The following TMCO4 variants were observed in gnomAD, a reference collection of about 807,000 sequenced individuals.
TMCO4 encodes the protein transmembrane and coiled-coil domain-containing protein 4.
TMCO4 carries 58 observed loss-of-function variants against 64.7 expected under a neutral mutation model. The ratio of observed to expected loss-of-function variants is 0.90; its 90% confidence interval spans 0.73 to 1.12. The LOEUF is 1.12. Among genes scored for constraint, TMCO4 ranks in the 50% most tolerant of loss-of-function variants. TMCO4 has a pLI of 0.00. For missense variants in TMCO4, 780 were observed against 825.9 expected (o/e 0.94, Z 0.68); for synonymous variants, 325 against 346.1 (o/e 0.94, Z 0.68).
intron 6 of TMCO4, among the ~76,000 whole-genome samples, chr1:19,757,167 G>C (rs1255508075): frequency 1.3e-5 from 2 of 150,394 alleles, no homozygotes; most frequent in Non-Finnish European, 3.0e-5. Flanking sequence ...GGCGGGGGGG[G>C]GCGCCTGTAA....
At chr1:19,766,300 C>G (rs779195904) in intron 6 of TMCO4, among the ~76,000 whole-genome samples, 1 of 152,206 alleles carries the variant, frequency 6.6e-6, no homozygotes, top group African/African-American at 2.4e-5. Flanking sequence ...GGACAACTGG[C>G]CCATCCACGA....
intron 13 of TMCO4, among the ~76,000 whole-genome samples, chr1:19,709,349 C>G (rs955989371): frequency 6.8e-6 from 1 of 147,006 alleles, no homozygotes; most frequent in African/African-American, 2.5e-5. Context: ...TCCCCTCCCC[C>G]CACCCCAGGG....
At chr1:19,760,844 G>A (rs750506944) in intron 6 of TMCO4, among the ~76,000 whole-genome samples, 56 of 152,262 alleles carry the variant, frequency 3.7e-4, no homozygotes, top group Non-Finnish European at 5.9e-4. Context: ...TACGTAAGAG[G>A]AATGGAATAT....
intron 13 of TMCO4, among the ~76,000 whole-genome samples, chr1:19,722,553 T>C (rs1409387720): frequency 6.6e-6 from 1 of 152,204 alleles, no homozygotes; most frequent in African/African-American, 2.4e-5. Flanking sequence ...CCCATGATCT[T>C]AACCTCATGG....
intron 13 of TMCO4, among the ~76,000 whole-genome samples, chr1:19,704,624 T>G (rs1256170986): frequency 2.0e-5 from 3 of 152,238 alleles, no homozygotes; most frequent in Non-Finnish European, 1.5e-5. Context: ...GGCCGGCCAT[T>G]CAGGGCGCCT....
At chr1:19,690,866 CTTTTTTTTT>C (rs34764589) in intron 15 of TMCO4, among the ~76,000 whole-genome samples, 2 of 111,286 alleles carry the variant, frequency 1.8e-5, no homozygotes, top group Non-Finnish European at 3.6e-5. Flanking sequence ...TGTGAAGACT[CTTTTTTTTT>C]TTTTTTTTTT....
chr1:19,771,647 G>A (rs2042987699), intron 4 of TMCO4, among the ~76,000 whole-genome samples, 165 bp from the exon 5 acceptor site: 1 of 152,092 alleles, frequency 6.6e-6, no homozygotes, highest in Non-Finnish European at 1.5e-5. Flanking sequence ...CTTGGGTGAT[G>A]TAAATTTTGT....
intron 8 of TMCO4, 25 bp from the exon 9 acceptor site, chr1:19,746,624 G>A (rs1211759980): frequency 1.9e-6 from 3 of 1,590,568 alleles, no homozygotes; most frequent in Non-Finnish European, 2.6e-6. Flanking sequence ...GCAGTTTCAG[G>A]TGGGAGTAAA....
chr1:19,739,871 C>G lies in TMCO4; in HGVS notation c.1132G>C (p.Ala378Pro). 6.2e-7 allele frequency: 1 copy of G among 1,613,980 alleles called. No individual in the cohort carries two copies. Reference sequence around the variant, plus strand: ...TGGGCCAGGTGCTTGCCAACCTCTGCTGATCGATGGAGACACACCCCCCAG... The same window carrying G: ...TGGGCCAGGTGCTTGCCAACCTCTGGTGATCGATGGAGACACACCCCCCAG... ...NPWGVCLHRS[A>P]EVGKHLAHIL... Residue 378 changes from alanine (A) to proline (P), a missense_variant, in exon 12 of 16, where the codon GCA becomes CCA. Physicochemically the swap from Ala to Pro is conservative, Grantham distance 27 (BLOSUM62 -1). Transcript: ENST00000294543.
intron 13 of TMCO4, among the ~76,000 whole-genome samples, chr1:19,723,330 G>T (rs1004054210): frequency 2.6e-5 from 4 of 152,150 alleles, no homozygotes; most frequent in African/African-American, 9.7e-5. Flanking sequence ...TCATATGGGG[G>T]ATAGTCTCTT....
At position 19,708,081 on chromosome 1, in the gene TMCO4, T is replaced by C. The variant is rs79307716; in HGVS notation, c.1265-7196A>G. On this transcript the variant is annotated intron_variant, in intron 13 of 15. Coordinates refer to ENST00000294543, the MANE Select transcript of TMCO4 (RefSeq NM_181719.7). Reference sequence around the variant, plus strand: ...GGTGGGGACACAGAGCCAAACCATATCACTTGTATAAGGGTAAACAATTCT... The same window carrying C: ...GGTGGGGACACAGAGCCAAACCATACCACTTGTATAAGGGTAAACAATTCT... Among the ~76,000 whole-genome samples, 13 of 152,210 alleles carry C rather than the reference T, an allele frequency of 8.5e-5. No individual in the cohort carries two copies. In the East Asian group the frequency reaches 2.3e-3, roughly 27 times the overall value.
chr1:19,780,059 C>T (rs1489724668), intron 4 of TMCO4, among the ~76,000 whole-genome samples: 5 of 152,100 alleles, frequency 3.3e-5, no homozygotes, highest in East Asian at 1.9e-4. Flanking sequence ...TCCAGGGACC[C>T]GGCGCAGGTA....
At chr1:19,780,535 C>T (rs773268892) in intron 4 of TMCO4, 45 bp downstream of exon 4, 2 of 1,541,438 alleles carry the variant, frequency 1.3e-6, no homozygotes, top group African/African-American at 1.4e-5. Context: ...GTAGTTGTTC[C>T]CCTGAAGAAG....
chr1:19,763,162 G>A (rs748862835), intron 6 of TMCO4, among the ~76,000 whole-genome samples: 1 of 151,546 alleles, frequency 6.6e-6, no homozygotes, highest in Non-Finnish European at 1.5e-5. Context: ...TGTAATCTCC[G>A]TCTCCAGGGT....
intron 4 of TMCO4, among the ~76,000 whole-genome samples, chr1:19,773,630 A>T (rs1010193466): frequency 6.6e-6 from 1 of 152,160 alleles, no homozygotes; most frequent in Non-Finnish European, 1.5e-5. Flanking sequence ...TTGAAGAGGA[A>T]TCTTAGCAGA....
At chr1:19,737,896 C>T (rs2095462928) in intron 12 of TMCO4, among the ~76,000 whole-genome samples, 1 of 152,170 alleles carries the variant, frequency 6.6e-6, no homozygotes, top group South Asian at 2.1e-4. Flanking sequence ...GGTAAAAAGG[C>T]AAGAGTGACA....
At chr1:19,746,410 C>G (rs770116285) in intron 9 of TMCO4, 46 bp downstream of exon 9, 1 of 1,608,838 alleles carries the variant, frequency 6.2e-7, no homozygotes, top group East Asian at 2.2e-5. Context: ...ACTGGGCCAC[C>G]CTGGCTGAAA....
At chr1:19,692,592 AAAG>A (rs1159037336) in intron 15 of TMCO4, among the ~76,000 whole-genome samples, 2 of 150,050 alleles carry the variant, frequency 1.3e-5, no homozygotes, top group African/African-American at 5.0e-5. Flanking sequence ...AAAAAAAAAA[AAAG>A]AATTAGATGG....
rs1018728646 is a variant in TMCO4 at position 19,734,645 on chromosome 1, C to A, written c.1264+2727G>T. ...GGGCTGCAGAGACACCAGATGCCAC[C>A]GTTTCTAGACACCCCTGAGAGCCCC... On this transcript the variant is annotated intron_variant, in intron 13 of 15. Transcript: ENST00000294543. This position sits in a 1 kb window ranked among gnomAD's most constrained non-coding sequence, Gnocchi z 4.4. Among the ~76,000 whole-genome samples the A allele has an allele frequency of 2.6e-5, 4 of 152,056 alleles. No individual in the cohort carries two copies. The highest frequency in any genetic ancestry group is 9.7e-5 in the African/African-American group (4 of 41,398).
Sources: allele counts gnomAD v4.1 joint callset (sites outside exome capture counted in the v4.1 genomes callset), GRCh38; gene constraint gnomAD v4.1.1; non-coding constraint Gnocchi (gnomAD v3.1); transcripts MANE v1.5; gene names NCBI Gene and HGNC (gene_info 2026-07-23, HGNC 2026-07-21).